Variants in PDXDC1 observed in about 807,000 individuals in gnomAD.
PDXDC1 encodes the protein pyridoxal-dependent decarboxylase domain-containing protein 1.
A neutral mutation model predicts 100.1 loss-of-function variants in PDXDC1; 42 were observed. The observed-to-expected ratio is 0.42, with a 90% CI of 0.33 to 0.54. The LOEUF (loss-of-function observed/expected upper bound fraction) is 0.54. Ranked by LOEUF, PDXDC1 falls within the 20% of genes least tolerant of loss-of-function variation. The probability of loss-of-function intolerance (pLI) is 0.10; values close to 1 mark genes in which losing one functional copy is unlikely to be tolerated. For synonymous variants in PDXDC1, 260 were observed against 371.7 expected, an observed-to-expected ratio of 0.70 and a Z score of 3.46; for missense variants, 636 against 979.2, an observed-to-expected ratio of 0.65 and a Z score of 4.68.
intron 16 of PDXDC1, chr16:15,065,411 T>G: frequency 6.3e-7 from 1 of 1,589,962 alleles, no homozygotes; most frequent in Non-Finnish European, 8.6e-7. Context: ...GGCATTAACA[T>G]GCTGGAGTGA....
rs145058148 is a variant in PDXDC1 at position 15,089,968 on chromosome 16, G to C, written c.1400-48911G>C. Reference sequence around the variant, plus strand: ...TCACACTTGTAATCCCAGCACTTTGGGAGGCCAAGGCGGGCAGGTCACCTG... The same window carrying C: ...TCACACTTGTAATCCCAGCACTTTGCGAGGCCAAGGCGGGCAGGTCACCTG... On this transcript the variant is annotated intron_variant, in intron 16 of 16. Coordinates refer to the PDXDC1 transcript ENST00000535621. 8.7e-3 allele frequency among the ~76,000 whole-genome samples: 1,316 copies of C among 151,794 alleles called. 6 individuals are homozygous for C. Among genetic ancestry groups the C allele is most frequent in the Middle Eastern group, 0.037 (11 of 294 alleles).
At chr16:15,063,035 G>T (rs1328284905) in intron 16 of PDXDC1, among the ~76,000 whole-genome samples, 1 of 152,144 alleles carries the variant, frequency 6.6e-6, no homozygotes, top group Non-Finnish European at 1.5e-5. Flanking sequence ...GTAGAAACAG[G>T]GTGTCACTGT....
At chr16:15,104,938 T>TG (rs1417249799) in intron 16 of PDXDC1, among the ~76,000 whole-genome samples, 1 of 152,086 alleles carries the variant, frequency 6.6e-6, no homozygotes, top group Non-Finnish European at 1.5e-5. Flanking sequence ...TGCCGACAGC[T>TG]GGGGGGTAAA....
intron 4 of PDXDC1, among the ~76,000 whole-genome samples, chr16:15,003,216 CTTTT>C (rs1217823601): frequency 3.0e-5 from 4 of 134,336 alleles, no homozygotes; most frequent in Non-Finnish European, 1.6e-5. Flanking sequence ...AGATTTAATT[CTTTT>C]TTTTTTTTTT....
At chr16:15,127,369 C>T (rs1409472763) in intron 16 of PDXDC1, 3 of 857,112 alleles carry the variant, frequency 3.5e-6, no homozygotes, top group Non-Finnish European at 5.6e-6. Flanking sequence ...TTGGTGGACG[C>T]CTTTCCCTCT....
intron 16 of PDXDC1, chr16:15,131,339 C>T (rs763218112): frequency 2.4e-5 from 38 of 1,555,660 alleles, no homozygotes; most frequent in African/African-American, 1.6e-4. Flanking sequence ...TTGGTGGAGA[C>T]GGTGTAGTTG....
chr16:15,137,314 C>A, intron 16 of PDXDC1: 2 of 1,239,034 alleles, frequency 1.6e-6, no homozygotes, highest in Non-Finnish European at 2.3e-6. Context: ...CAGGAGGCGG[C>A]GGGGGGCCGG....
chr16:15,001,752 C>T, intron 3 of PDXDC1, 24 bp from the exon 4 acceptor site: 1 of 1,587,780 alleles, frequency 6.3e-7, no homozygotes, highest in Non-Finnish European at 8.6e-7. Context: ...TCCCATCAGC[C>T]CATCAACTCT....
chr16:15,025,031 G>A (rs1423409876), intron 13 of PDXDC1, among the ~76,000 whole-genome samples: 2 of 152,302 alleles, frequency 1.3e-5, no homozygotes, highest in Non-Finnish European at 2.9e-5. Context: ...TCAGCTTACA[G>A]TCCTCTTTCT....
intron 13 of PDXDC1, among the ~76,000 whole-genome samples, chr16:15,024,946 C>T (rs1450787785): frequency 6.6e-6 from 1 of 152,312 alleles, no homozygotes; most frequent in Non-Finnish European, 1.5e-5. Context: ...TGTGCCTCAC[C>T]TGGGCATTAA....
At chr16:15,005,310 A>G (rs1318963814) in intron 5 of PDXDC1, among the ~76,000 whole-genome samples, 1 of 149,004 alleles carries the variant, frequency 6.7e-6, no homozygotes, top group East Asian at 2.1e-4. Flanking sequence ...GTCTCAAAAA[A>G]AAAAAAAAAA....
At chr16:15,015,653 G>A (rs1202600132) in intron 8 of PDXDC1, among the ~76,000 whole-genome samples, 8 of 152,264 alleles carry the variant, frequency 5.3e-5, no homozygotes, top group Non-Finnish European at 1.0e-4. Context: ...GGGAGGTGGA[G>A]GTTGCAGAGT....
downstream of PDXDC1, chr16:15,041,587 C>A: frequency 2.0e-6 from 3 of 1,504,784 alleles, no homozygotes; most frequent in Non-Finnish European, 1.9e-6. Context: ...GTCCTGAGAC[C>A]CACATCTTTG....
At chr16:15,130,259 G>C in intron 16 of PDXDC1, 3 of 1,547,122 alleles carry the variant, frequency 1.9e-6, no homozygotes, top group Non-Finnish European at 2.6e-6. Context: ...CGAAGGCGGT[G>C]AGGTGGCGGG....
intron 16 of PDXDC1, chr16:15,128,309 A>C: frequency 6.2e-6 from 10 of 1,609,998 alleles, no homozygotes; most frequent in Non-Finnish European, 8.5e-6. Context: ...TTGCGGTGGA[A>C]GGCTCTGTCG....
At chr16:15,012,481 A>G (rs2041395423) in intron 8 of PDXDC1, among the ~76,000 whole-genome samples, 1 of 152,292 alleles carries the variant, frequency 6.6e-6, no homozygotes, top group Non-Finnish European at 1.5e-5. Flanking sequence ...ATAGCACTTG[A>G]AAAGATGTTT....
chr16:15,040,017 C>G (rs200577362), downstream of PDXDC1: 69 of 1,612,402 alleles, frequency 4.3e-5, no homozygotes, highest in Middle Eastern at 6.6e-4. Context: ...CCTCCGGACC[C>G]CGATCTTGAA....
At chr16:15,034,187 A>G in intron 19 of PDXDC1, 99 bp from the exon 20 acceptor site, 2 of 971,356 alleles carry the variant, frequency 2.1e-6, no homozygotes, top group South Asian at 2.8e-5. Context: ...GATTTCATTG[A>G]CCTGCTTTTG....
chr16:15,132,252 G>C (rs111858364), intron 16 of PDXDC1, among the ~76,000 whole-genome samples: 614 of 4,234 alleles, frequency 0.15, no homozygotes, highest in Middle Eastern at 0.21. Context: ...GGCTGGGGGA[G>C]GAGTGGAGGG....
Sources: allele counts gnomAD v4.1 joint callset (sites outside exome capture counted in the v4.1 genomes callset), GRCh38; gene constraint gnomAD v4.1.1; transcripts MANE v1.5; gene names NCBI Gene and HGNC (gene_info 2026-07-23, HGNC 2026-07-21).